The following TTLL1 variants were observed in gnomAD, a reference collection of about 807,000 sequenced individuals.
The protein encoded by TTLL1 is polyglutamylase complex subunit TTLL1.
Under a neutral mutation model 47.8 loss-of-function variants are expected in TTLL1, and 33 were observed. That is an observed-to-expected ratio of 0.69 (90% CI 0.52 to 0.92). The LOEUF (loss-of-function observed/expected upper bound fraction) is 0.92. Ranked by LOEUF, TTLL1 falls within the 40% of genes least tolerant of loss-of-function variation. The pLI is 0.00. For synonymous variants in TTLL1, 225 were observed against 214.1 expected, an observed-to-expected ratio of 1.05 and a Z score of -0.45; for missense variants, 488 against 547.5, an observed-to-expected ratio of 0.89 and a Z score of 1.08.
chr22:43,084,302 C>G (rs552394201), intron 1 of TTLL1, among the ~76,000 whole-genome samples: 43 of 152,052 alleles, frequency 2.8e-4, no homozygotes, highest in Non-Finnish European at 5.4e-4. Flanking sequence ...AGGCACCCGC[C>G]ACGATGCCCA....
chr22:43,074,824 G>C (rs1181479702), intron 3 of TTLL1, among the ~76,000 whole-genome samples: 4 of 151,924 alleles, frequency 2.6e-5, no homozygotes, highest in Admixed American at 2.6e-4. Flanking sequence ...AAGGTCCCTT[G>C]AGGCCAGGAA....
intron 8 of TTLL1, among the ~76,000 whole-genome samples, chr22:43,056,504 C>T (rs1927022055): frequency 7.0e-6 from 1 of 142,270 alleles, no homozygotes; most frequent in Non-Finnish European, 1.5e-5. Context: ...CAGGGCTGGC[C>T]GGGTGCAGTA....
At chr22:43,069,109 G>A (rs954389003) in intron 4 of TTLL1, among the ~76,000 whole-genome samples, 7 of 151,424 alleles carry the variant, frequency 4.6e-5, no homozygotes, top group Non-Finnish European at 8.8e-5. Flanking sequence ...GGGTGTGGTG[G>A]CTCACGTCTA....
At chr22:43,081,171 C>T (rs1440595640) in intron 1 of TTLL1, among the ~76,000 whole-genome samples, 4 of 151,974 alleles carry the variant, frequency 2.6e-5, no homozygotes, top group Non-Finnish European at 4.4e-5. Flanking sequence ...CTGCCTCGGC[C>T]TCTCAAAGTG....
intron 10 of TTLL1, among the ~76,000 whole-genome samples, chr22:43,044,265 C>G (rs1925927980): frequency 6.6e-6 from 1 of 152,154 alleles, no homozygotes; most frequent in South Asian, 2.1e-4. Context: ...TGACTGGTCA[C>G]CCCTGAAGTT....
intron 7 of TTLL1, among the ~76,000 whole-genome samples, chr22:43,060,417 G>A (rs772330005): frequency 2.0e-5 from 3 of 152,172 alleles, no homozygotes; most frequent in Non-Finnish European, 4.4e-5. Flanking sequence ...AGCGCCCCAC[G>A]GTGGGCAGAG....
At chr22:43,066,514 G>A (rs574278833) in intron 5 of TTLL1, among the ~76,000 whole-genome samples, 7 of 151,680 alleles carry the variant, frequency 4.6e-5, no homozygotes, top group Admixed American at 4.6e-4. Flanking sequence ...ACTTGAGCCC[G>A]GGAATTTGAG....
chr22:43,072,585 C>A (rs967812878), intron 3 of TTLL1, among the ~76,000 whole-genome samples: 1 of 152,082 alleles, frequency 6.6e-6, no homozygotes, highest in Non-Finnish European at 1.5e-5. Context: ...AAGCCTCCCA[C>A]CTCAGCCTCT....
chr22:43,068,697 C>T (rs1490994803), intron 4 of TTLL1, 107 bp from the exon 5 acceptor site: 1 of 996,100 alleles, frequency 1.0e-6, no homozygotes, highest in Admixed American at 2.9e-5. Context: ...GAGTGTCCCC[C>T]ACCGCAACCC....
At chr22:43,058,055 T>C (rs568298168) in intron 8 of TTLL1, among the ~76,000 whole-genome samples, 257 of 152,086 alleles carry the variant, frequency 1.7e-3, no homozygotes, top group African/African-American at 5.7e-3. Context: ...ACCATTCTCC[T>C]GCCTCAGCCT....
intron 1 of TTLL1, among the ~76,000 whole-genome samples, chr22:43,081,299 A>G (rs1455081485): frequency 1.3e-5 from 2 of 152,112 alleles, no homozygotes; most frequent in African/African-American, 2.4e-5. Context: ...TCTCCAGCAC[A>G]AGCCCAGGCA....
intron 8 of TTLL1, among the ~76,000 whole-genome samples, chr22:43,056,478 T>TC (rs1438299382): frequency 6.7e-6 from 1 of 148,590 alleles, no homozygotes; most frequent in East Asian, 2.0e-4. Context: ...TTTTTTTTTT[T>TC]TTTTTTTTAA....
intron 5 of TTLL1, among the ~76,000 whole-genome samples, chr22:43,067,389 C>A (rs1440931688): frequency 6.6e-6 from 1 of 152,226 alleles, no homozygotes; most frequent in African/African-American, 2.4e-5. Flanking sequence ...TCAGCCACTT[C>A]GTGTGAGACT....
intron 9 of TTLL1, among the ~76,000 whole-genome samples, chr22:43,050,584 G>A (rs576745411): frequency 7.3e-5 from 11 of 150,790 alleles, no homozygotes; most frequent in East Asian, 2.0e-4. Flanking sequence ...GTGCAGTGGC[G>A]CGATCTCAGC....
chr22:43,080,172 A>G (rs569889965), intron 1 of TTLL1, among the ~76,000 whole-genome samples, 186 bp from the exon 2 acceptor site: 2 of 152,086 alleles, frequency 1.3e-5, no homozygotes, highest in Admixed American at 1.3e-4. Context: ...CTCCTGCCTG[A>G]GCCTCCTAAG....
intron 10 of TTLL1, among the ~76,000 whole-genome samples, chr22:43,040,740 T>C (rs552789900): frequency 5.3e-4 from 80 of 152,282 alleles, no homozygotes; most frequent in African/African-American, 1.8e-3. Context: ...CCACCGTGCC[T>C]GGCCCCCATT....
chr22:43,059,283 C>T lies in TTLL1; in HGVS notation c.891+101G>A, dbSNP rs558286208. 1.5e-5 allele frequency: 23 copies of T among 1,486,798 alleles called. No homozygotes were observed. The African/African-American group carries it at 2.5e-4, about 16-fold the overall frequency. 92.1% of individuals were successfully genotyped at this position (1,486,798 alleles called of 1,614,324 possible). A position where few individuals can be genotyped will look rare whatever the true frequency, so the allele number is the denominator to read the frequency against. ...TGCTGGGATTACAGGCGTGAGCCGC[C>T]GCGCACAGCTGAAAACAGGGATTTT... is the stretch of plus-strand genomic sequence containing the variant. On this transcript the variant is annotated intron_variant, in intron 8 of 10. Coordinates refer to ENST00000266254, the MANE Select transcript of TTLL1 (RefSeq NM_012263.5).
intron 8 of TTLL1, among the ~76,000 whole-genome samples, chr22:43,053,088 C>A (rs547747848): frequency 6.6e-6 from 1 of 151,946 alleles, no homozygotes; most frequent in Non-Finnish European, 1.5e-5. Context: ...ACAAAAAACA[C>A]AAAACCCCCC....
At chr22:43,078,475 G>A (rs542130307) in intron 2 of TTLL1, among the ~76,000 whole-genome samples, 59 of 152,126 alleles carry the variant, frequency 3.9e-4, no homozygotes, top group Admixed American at 2.1e-3. Flanking sequence ...TAGCCTGGGC[G>A]ACACAGCAAG....
Sources: allele counts gnomAD v4.1 joint callset (sites outside exome capture counted in the v4.1 genomes callset), GRCh38; gene constraint gnomAD v4.1.1; transcripts MANE v1.5; gene names NCBI Gene and HGNC (gene_info 2026-07-23, HGNC 2026-07-21).